FANCM: variants seen among roughly 807,000 people sequenced by gnomAD.
The protein encoded by FANCM is FA complementation group M, also known as Fanconi anemia group M protein.
In FANCM, 140 loss-of-function variants were observed where a neutral mutation model predicts 199.5. That is an observed-to-expected ratio of 0.70 (90% CI 0.61 to 0.81). FANCM has a LOEUF of 0.81. Ranked by LOEUF, FANCM falls within the 30% of genes least tolerant of loss-of-function variation. The probability of loss-of-function intolerance (pLI) is 0.00; values close to 1 mark genes in which losing one functional copy is unlikely to be tolerated. For synonymous variants in FANCM, 840 were observed against 836.8 expected (o/e 1.00, Z -0.07); for missense variants, 2,410 against 2,421.4 (o/e 1.00, Z 0.10).
chr14:45,198,546 TG>T, intron 21 of FANCM, 97 bp from the exon 22 acceptor site: 1 of 749,542 alleles, frequency 1.3e-6, no homozygotes. Flanking sequence ...GTTTGCTCAA[TG>T]GTGTAGATCT....
intron 17 of FANCM, 144 bp from the exon 18 acceptor site, chr14:45,185,073 C>T (rs1889312138): frequency 1.6e-6 from 1 of 645,006 alleles, no homozygotes; most frequent in African/African-American, 1.8e-5. Flanking sequence ...TGCATCACTG[C>T]ACTGGGCCTA....
At chr14:45,145,369 C>T (rs1040107163) in intron 3 of FANCM, among the ~76,000 whole-genome samples, 2 of 152,066 alleles carry the variant, frequency 1.3e-5, no homozygotes, top group African/African-American at 4.8e-5. Flanking sequence ...CCATGTTCAT[C>T]GTCTCCAGAG....
chr14:45,170,885 A>G, intron 12 of FANCM, 139 bp downstream of exon 12: 1 of 751,404 alleles, frequency 1.3e-6, no homozygotes, highest in Non-Finnish European at 2.3e-6. Context: ...ACTTACTTTA[A>G]GAAATTAAGA....
Position 45,176,917 on chromosome 14 carries a change from T to C in FANCM, c.4163T>C (p.Leu1388Pro), listed in dbSNP as rs1191348660. 1 of 1,611,172 alleles carries C rather than the reference T, an allele frequency of 6.2e-7. No individual in the cohort carries two copies. The highest frequency in any genetic ancestry group is 8.5e-7 in the Non-Finnish European group (1 of 1,177,896). The change falls in exon 14 of 23, where the codon CTA becomes CCA. Residue 1388 changes from leucine to proline, a missense_variant. By Grantham distance (98) the Leu-to-Pro change is moderately conservative. Coordinates refer to ENST00000267430, the MANE Select transcript of FANCM (RefSeq NM_020937.4). ...NSTFDYSEFSLEKSKSSGPMY... is the reference protein window; with the variant it reads ...NSTFDYSEFSPEKSKSSGPMY... ...ACTTTTGATTATTCAGAATTTTCTC[T>C]AGAAAAGTCTAAAAGCAGTGGTCCA...
At chr14:45,181,317 A>G in intron 14 of FANCM, 113 bp from the exon 15 acceptor site, 7 of 650,724 alleles carry the variant, frequency 1.1e-5, no homozygotes, top group Non-Finnish European at 1.9e-5. Context: ...AAAGTGAATA[A>G]ATGTTGAGAT....
chr14:45,182,759 T>TA (rs1344771455), intron 16 of FANCM, among the ~76,000 whole-genome samples: 1 of 152,196 alleles, frequency 6.6e-6, no homozygotes, highest in Non-Finnish European at 1.5e-5. Flanking sequence ...TGGATCCTGA[T>TA]ACGCACATCA....
intron 13 of FANCM, among the ~76,000 whole-genome samples, chr14:45,174,229 A>C (rs780079384): frequency 3.9e-5 from 6 of 152,164 alleles, no homozygotes; most frequent in Non-Finnish European, 8.8e-5. Context: ...TGTACTAAAA[A>C]TACAAAAATT....
At chr14:45,164,621 A>T in intron 10 of FANCM, 56 bp downstream of exon 10, 1 of 1,282,974 alleles carries the variant, frequency 7.8e-7, no homozygotes, top group Admixed American at 2.0e-5. Context: ...AATACAGCCC[A>T]AAGGTGAATA....
At chr14:45,145,927 C>T (rs1420104520) in intron 3 of FANCM, among the ~76,000 whole-genome samples, 2 of 150,078 alleles carry the variant, frequency 1.3e-5, no homozygotes, top group Admixed American at 6.6e-5. Flanking sequence ...GGCGTAGTGG[C>T]GGGCGCCTGT....
chr14:45,153,068 T>C (rs1566736420), intron 5 of FANCM, among the ~76,000 whole-genome samples: 1 of 152,218 alleles, frequency 6.6e-6, no homozygotes, highest in Admixed American at 6.5e-5. Context: ...CTACTAAAAA[T>C]GTTAGAAAAC....
At chr14:45,165,406 G>C (rs1178017762) in intron 10 of FANCM, among the ~76,000 whole-genome samples, 3 of 152,106 alleles carry the variant, frequency 2.0e-5, no homozygotes, top group Admixed American at 6.6e-5. Context: ...AAACGAGACA[G>C]GTGTGGTGGC....
intron 10 of FANCM, among the ~76,000 whole-genome samples, chr14:45,166,385 C>T (rs1887979689): frequency 6.6e-6 from 1 of 152,184 alleles, no homozygotes; most frequent in African/African-American, 2.4e-5. Context: ...GATCTGCCCG[C>T]CTGGGCCTCC....
At chr14:45,171,638 G>T (rs977269285) in intron 12 of FANCM, among the ~76,000 whole-genome samples, 3 of 151,800 alleles carry the variant, frequency 2.0e-5, no homozygotes, top group Non-Finnish European at 2.9e-5. Flanking sequence ...CATCCAGGTT[G>T]CTGCGAATGT....
At position 45,137,093 on chromosome 14, in the gene FANCM, AGG is replaced by A; in HGVS notation, c.534_535del (p.Glu179AsnfsTer5). ...GGGTCTACACAAGCTTCCACCAGGAAGGAAATATGGTGCAGTAAGAGAGTGCT... is the reference window on the plus strand; with the variant it reads ...GGGTCTACACAAGCTTCCACCAGGAAAAATATGGTGCAGTAAGAGAGTGCT... On this transcript the variant is annotated frameshift_variant, in exon 2 of 23. Coordinates refer to ENST00000267430, the MANE Select transcript of FANCM (RefSeq NM_020937.4). LOFTEE classifies it high-confidence loss of function. The A allele has an allele frequency of 6.2e-7, 1 of 1,613,406 alleles. No individual in the cohort carries two copies. The highest frequency in any genetic ancestry group is 2.2e-5 in the East Asian group (1 of 44,858).
rs566030512 is a variant in FANCM, at chr14:45,152,557, G to A, written c.1050+1029G>A. 2.0e-4 allele frequency among the ~76,000 whole-genome samples: 31 copies of A among 152,314 alleles called. No individual in the cohort carries two copies. The South Asian group carries it at 6.0e-3, about 30-fold the overall frequency. Reference sequence around the variant, plus strand: ...AAATATCTATCAAACTAGGTCCAAAGTCAGAGAAGACACTCATAGACACAA... The same window carrying A: ...AAATATCTATCAAACTAGGTCCAAAATCAGAGAAGACACTCATAGACACAA... On this transcript the variant is annotated intron_variant, in intron 5 of 22. Transcript: ENST00000267430.
At chr14:45,170,466 C>T (rs1888264548) in intron 11 of FANCM, 123 bp from the exon 12 acceptor site, 4 of 655,946 alleles carry the variant, frequency 6.1e-6, no homozygotes, top group African/African-American at 1.8e-5. Context: ...TTTGAGGTTA[C>T]AGTGAGTTAT....
intron 11 of FANCM, among the ~76,000 whole-genome samples, chr14:45,168,786 A>G (rs1053530855): frequency 6.8e-6 from 1 of 147,984 alleles, no homozygotes; most frequent in Non-Finnish European, 1.5e-5. Flanking sequence ...TATATATTTT[A>G]TATATATTAA....
intron 3 of FANCM, among the ~76,000 whole-genome samples, chr14:45,142,508 A>G (rs1886048119): frequency 6.6e-6 from 1 of 151,722 alleles, no homozygotes; most frequent in Admixed American, 6.6e-5. Context: ...AGGTTTCACT[A>G]TGTTGGCCAG....
chr14:45,148,113 T>G (rs1343511993), intron 3 of FANCM, among the ~76,000 whole-genome samples: 1 of 151,506 alleles, frequency 6.6e-6, no homozygotes, highest in East Asian at 1.9e-4. Context: ...AGGAGAATCG[T>G]TTGAACCTGG....
Sources: allele counts gnomAD v4.1 joint callset (sites outside exome capture counted in the v4.1 genomes callset), GRCh38; gene constraint gnomAD v4.1.1; transcripts MANE v1.5; gene names NCBI Gene and HGNC (gene_info 2026-07-23, HGNC 2026-07-21).